PTPRD: variants seen among roughly 807,000 people sequenced by gnomAD.
The protein encoded by PTPRD is protein tyrosine phosphatase receptor type D.
PTPRD carries 34 observed loss-of-function variants against 214.5 expected under a neutral mutation model. The ratio of observed to expected loss-of-function variants is 0.16; its 90% CI spans 0.12 to 0.21. The LOEUF is 0.21. PTPRD is among the 10% of genes least tolerant of loss of function. The pLI is 1.00. For missense variants in PTPRD, 2,545 were observed against 2,398.7 expected, an observed-to-expected ratio of 1.06 and a Z score of -1.27; for synonymous variants, 1,128 against 845.7, an observed-to-expected ratio of 1.33 and a Z score of -5.79.
intron 8 of PTPRD, among the ~76,000 whole-genome samples, chr9:9,569,014 G>A (rs1026831636): frequency 1.3e-5 from 2 of 151,730 alleles, no homozygotes; most frequent in African/African-American, 4.8e-5. Context: ...CAAAGACACT[G>A]GGGAAAGTCA....
chr9:8,725,159 C>CA (rs2098543915), intron 12 of PTPRD, among the ~76,000 whole-genome samples: 1 of 152,046 alleles, frequency 6.6e-6, no homozygotes, highest in African/African-American at 2.4e-5. Flanking sequence ...AAAATTATTT[C>CA]AAAATAGAAA....
intron 14 of PTPRD, among the ~76,000 whole-genome samples, chr9:8,581,913 CAAAAAAAAAAAAAAAAAAA>C (rs36007156): frequency 2.9e-5 from 1 of 34,972 alleles, no homozygotes; most frequent in African/African-American, 8.2e-5. Flanking sequence ...ACTCAATCTC[CAAAAAAAAAAAAAAAAAAA>C]AAAAAAAAAA....
In PTPRD at chr9:9,957,273, T is replaced by C. The variant is rs570570041; in HGVS notation, c.-471-18663A>G. Reference sequence around the variant, plus strand: ...TAAGATATCTCATAAATCCAAATCATATGGAATTCTGAAAAATAAAATCCT... The same window carrying C: ...TAAGATATCTCATAAATCCAAATCACATGGAATTCTGAAAAATAAAATCCT... On this transcript the variant is annotated intron_variant, in intron 4 of 45. Transcript: ENST00000381196. Among the ~76,000 whole-genome samples the C allele has an allele frequency of 9.1e-4, 139 of 152,236 alleles. 1 individual carries two copies. Among genetic ancestry groups the C allele is most frequent in the Middle Eastern group, 3.4e-3 (1 of 294 alleles).
At chr9:10,063,292 G>C (rs1013140991) in intron 3 of PTPRD, among the ~76,000 whole-genome samples, 1 of 152,006 alleles carries the variant, frequency 6.6e-6, no homozygotes, top group Non-Finnish European at 1.5e-5. Context: ...GTCAATACCA[G>C]AGAAAATAAA....
chr9:8,710,630 T>C (rs1165555661), intron 12 of PTPRD, among the ~76,000 whole-genome samples: 16 of 151,934 alleles, frequency 1.1e-4, no homozygotes, highest in Non-Finnish European at 1.5e-5. Context: ...AATAAATAAA[T>C]AAAAATAACA....
chr9:10,434,817 T>G (rs946423993), intron 2 of PTPRD, among the ~76,000 whole-genome samples: 1 of 151,928 alleles, frequency 6.6e-6, no homozygotes. Context: ...TTATAGTCTC[T>G]GTTTTCTGCC....
intron 12 of PTPRD, chr9:8,713,814 C>T: frequency 6.5e-7 from 1 of 1,529,406 alleles, no homozygotes. Context: ...CACGATTCAC[C>T]ACCAAGAGGC....
rs573943206 is a variant in PTPRD at position 9,991,096 on chromosome 9, G to A, written c.-472+42622C>T. On this transcript the variant is annotated intron_variant, in intron 4 of 45. Transcript: ENST00000381196. The stretch of plus-strand genomic sequence containing the variant: ...ATTACAGGCACCCACCACCACACTC[G>A]GCTAATTTTGTACTTTTAGTAGAAA... Among the ~76,000 whole-genome samples the A allele has an allele frequency of 4.0e-4, 61 of 151,068 alleles. No homozygotes were observed. The South Asian group carries it at 0.012, about 30-fold the overall frequency.
rs914082611 is a variant in PTPRD, at chr9:9,457,241, A to T, written c.-236-59759T>A. On this transcript the variant is annotated intron_variant, in intron 8 of 45. Coordinates refer to ENST00000381196, the MANE Select transcript of PTPRD (RefSeq NM_002839.4). ...AGTTCCATTCTGATGATAAAAATAG[A>T]TTAATATTTGCCTAGACAAATAAAC... Among the ~76,000 whole-genome samples the T allele has an allele frequency of 3.3e-5, 5 of 152,086 alleles. No individual in the cohort carries two copies. In the South Asian group the frequency reaches 1.0e-3, roughly 32 times the overall value.
chr9:10,279,033 C>T (rs2094926152), intron 3 of PTPRD, among the ~76,000 whole-genome samples: 1 of 152,156 alleles, frequency 6.6e-6, no homozygotes, highest in African/African-American at 2.4e-5. Flanking sequence ...CTTGGCCTCC[C>T]AAAGTGCTGG....
intron 14 of PTPRD, among the ~76,000 whole-genome samples, chr9:8,566,688 A>C (rs1350887870): frequency 6.6e-6 from 1 of 152,182 alleles, no homozygotes; most frequent in Non-Finnish European, 1.5e-5. Flanking sequence ...TACGTTAGAC[A>C]CTCATGATTA....
intron 11 of PTPRD, among the ~76,000 whole-genome samples, chr9:8,980,185 C>A (rs1374008928): frequency 1.3e-5 from 2 of 151,156 alleles, no homozygotes; most frequent in Non-Finnish European, 2.9e-5. Context: ...AAAAAGAAGT[C>A]AAATACACAG....
At chr9:10,261,219 G>A (rs530344689) in intron 3 of PTPRD, among the ~76,000 whole-genome samples, 1 of 151,416 alleles carries the variant, frequency 6.6e-6, no homozygotes, top group Non-Finnish European at 1.5e-5. Flanking sequence ...CAAAAACCTA[G>A]AGGATCATAG....
intron 11 of PTPRD, among the ~76,000 whole-genome samples, chr9:8,864,571 G>T (rs918752291): frequency 6.6e-6 from 1 of 152,146 alleles, no homozygotes; most frequent in Non-Finnish European, 1.5e-5. Context: ...ATTTTTAAAG[G>T]TTCTTTCTAA....
At chr9:9,196,256 G>C (rs1176225096) in intron 9 of PTPRD, among the ~76,000 whole-genome samples, 1 of 152,186 alleles carries the variant, frequency 6.6e-6, no homozygotes, top group Admixed American at 6.5e-5. Flanking sequence ...GGAACACAGA[G>C]TGAAATTATA....
intron 3 of PTPRD, among the ~76,000 whole-genome samples, chr9:10,087,207 T>C (rs891294740): frequency 8.6e-5 from 13 of 151,448 alleles, no homozygotes; most frequent in African/African-American, 2.9e-4. Context: ...AAAGTTACAC[T>C]TTTCTTAAAC....
In PTPRD at chr9:8,331,620, T is replaced by C. The variant is rs1841237753; in HGVS notation, c.5496A>G (p.Glu1832=). 3 of 1,588,908 alleles carry C rather than the reference T, an allele frequency of 1.9e-6. No individual in the cohort carries two copies. Among genetic ancestry groups the C allele is most frequent in the Non-Finnish European group, 2.6e-6 (3 of 1,173,352 alleles). Reference sequence around the variant, plus strand: ...AAATGGGTCCATCTTGGCCAAACTGTTCTTTTGTTTTATGGACTTGGCCGA... The same window carrying C: ...AAATGGGTCCATCTTGGCCAAACTGCTCTTTTGTTTTATGGACTTGGCCGA... ...DFIGQVHKTK[E]QFGQDGPISV... Residue 1832 remains glutamate, a synonymous_variant, in exon 44 of 46, where the codon GAA becomes GAG. Coordinates refer to ENST00000381196, the MANE Select transcript of PTPRD (RefSeq NM_002839.4).
intron 12 of PTPRD, among the ~76,000 whole-genome samples, chr9:8,652,666 A>T (rs1405251177): frequency 6.6e-6 from 1 of 152,222 alleles, no homozygotes; most frequent in Non-Finnish European, 1.5e-5. Flanking sequence ...GTATAATAAC[A>T]TTGGCCTTTT....
intron 2 of PTPRD, among the ~76,000 whole-genome samples, chr9:10,542,528 C>T (rs1198646117): frequency 6.6e-6 from 1 of 151,344 alleles, no homozygotes; most frequent in Non-Finnish European, 1.5e-5. Context: ...ACTTAAATAC[C>T]TAGTGATGTT....
Sources: gnomAD v4.1 joint callset for allele counts (sites outside exome capture counted in the v4.1 genomes callset) on GRCh38, gnomAD v4.1.1 for gene constraint, MANE v1.5 for transcripts, NCBI Gene and HGNC (gene_info 2026-07-23, HGNC 2026-07-21) for gene names.